Variants in ANOS1 observed in about 807,000 individuals in gnomAD.
ANOS1 encodes anosmin-1.
Under a neutral mutation model 59.0 loss-of-function variants are expected in ANOS1, and 6 were observed. The observed-to-expected ratio is 0.10, with a 90% CI of 0.06 to 0.20. The LOEUF (loss-of-function observed/expected upper bound fraction) is 0.20, where lower values mean the gene tolerates loss of function less well. Among genes scored for constraint, ANOS1 ranks in the 10% least tolerant of loss-of-function variants. The probability of loss-of-function intolerance (pLI) is 1.00; values close to 1 mark genes in which losing one functional copy is unlikely to be tolerated. For synonymous variants in ANOS1, 217 were observed against 223.4 expected (o/e 0.97, Z 0.25); for missense variants, 433 against 542.3 (o/e 0.80, Z 2.00).
Position 8,568,251 on chromosome X carries a change from C to T in ANOS1, c.1188G>A (p.Ser396=), listed in dbSNP as rs1930154515. 3 of 1,210,444 alleles carry T rather than the reference C, an allele frequency of 2.5e-6. No individual in the cohort carries two copies. Among genetic ancestry groups the T allele is most frequent in the East Asian group, 3.0e-5 (1 of 33,801 alleles). ...ACTTACTGTTGTTGGTTGCATGTGT[C>T]GATGTGAAGTGAAGGGACACCTTTG... is the stretch of plus-strand genomic sequence containing the variant. ...KSAKVSLHFT[S]THATNNKEQL... is the part of the protein sequence containing the mutation. The change falls in exon 8 of 14, where the codon TCG becomes TCA. Residue 396 remains serine, a synonymous_variant. Transcript: ENST00000262648.
At chrX:8,707,850 A>T (rs748800066) in intron 1 of ANOS1, among the ~76,000 whole-genome samples, 1 of 112,285 alleles carries the variant, frequency 8.9e-6, no homozygotes, top group African/African-American at 3.2e-5. Flanking sequence ...AAACTAATAG[A>T]ATTGTGTTCT....
intron 2 of ANOS1, among the ~76,000 whole-genome samples, chrX:8,649,169 A>T (rs908287370): frequency 1.9e-4 from 21 of 111,823 alleles, no homozygotes; most frequent in African/African-American, 6.5e-4. Context: ...GCCGGTCCTG[A>T]CCTCCAAGAT....
At chrX:8,535,554 C>CCAATG (rs1251706352) in intron 12 of ANOS1, 37 bp downstream of exon 12, 1 of 1,073,076 alleles carries the variant, frequency 9.3e-7, no homozygotes, top group Non-Finnish European at 1.3e-6. Flanking sequence ...GCAGTAGATA[C>CCAATG]CAATGACACA....
chrX:8,596,400 A>G lies in ANOS1; in HGVS notation c.541+634T>C, dbSNP rs141366622. Among the ~76,000 whole-genome samples, 507 of 111,900 alleles carry G rather than the reference A, an allele frequency of 4.5e-3. 3 individuals are homozygous for G. Among genetic ancestry groups the G allele is most frequent in the African/African-American group, 0.015 (475 of 30,826 alleles). ...AATGGATTCATCTTGGCTTTAAAAGAGCTTAGTCCCATTTACAGAAAATGA... is the reference window on the plus strand; with the variant it reads ...AATGGATTCATCTTGGCTTTAAAAGGGCTTAGTCCCATTTACAGAAAATGA... On this transcript the variant is annotated intron_variant, in intron 4 of 13. Coordinates refer to ENST00000262648, the MANE Select transcript of ANOS1 (RefSeq NM_000216.4).
At chrX:8,717,131 G>A (rs890530958) in intron 1 of ANOS1, among the ~76,000 whole-genome samples, 3 of 111,478 alleles carry the variant, frequency 2.7e-5, no homozygotes, top group East Asian at 2.8e-4. Flanking sequence ...AACTAGAAAC[G>A]CATGCATAAT....
Position 8,732,012 on chromosome X carries a change from C to A in ANOS1, c.25G>T (p.Val9Phe). 9.8e-7 allele frequency: 1 copy of A among 1,025,515 alleles called. No homozygotes were observed. Among genetic ancestry groups the A allele is most frequent in the South Asian group, 3.2e-5 (1 of 31,381 alleles). The allele number at this position is 1,025,515 out of a possible 1,213,427, so 84.5% of individuals were successfully genotyped here. A position where few individuals can be genotyped will look rare whatever the true frequency, so the allele number is the denominator to read the frequency against. Residue 9 changes from valine (V) to phenylalanine (F), a missense_variant, in exon 1 of 14, where the codon GTC (valine) becomes TTC (phenylalanine). Coordinates refer to ENST00000262648, the MANE Select transcript of ANOS1 (RefSeq NM_000216.4). MVPGVPGAVLTLCLWLAAS... is the reference protein window; with the variant it reads MVPGVPGAFLTLCLWLAAS... ...GCCAGCCAGAGGCAGAGGGTCAGGA[C>A]CGCGCCGGGCACCCCGGGCACCATG...
At chrX:8,588,226 CT>C (rs749006581) in intron 4 of ANOS1, among the ~76,000 whole-genome samples, 53 of 110,905 alleles carry the variant, frequency 4.8e-4, no homozygotes, top group African/African-American at 1.6e-3. Context: ...AAATTGGTTC[CT>C]GATTCTGTAA....
intron 2 of ANOS1, among the ~76,000 whole-genome samples, chrX:8,667,387 C>CT (rs1183608844): frequency 2.7e-5 from 3 of 110,944 alleles, no homozygotes; most frequent in Non-Finnish European, 5.7e-5. Context: ...ACTCAAACTC[C>CT]TGGGCTTAAG....
At chrX:8,574,796 G>A (rs767052552) in intron 6 of ANOS1, among the ~76,000 whole-genome samples, 2 of 111,086 alleles carry the variant, frequency 1.8e-5, no homozygotes, top group South Asian at 7.7e-4. Flanking sequence ...ACTCATCTTG[G>A]GATTGTGTGA....
intron 2 of ANOS1, among the ~76,000 whole-genome samples, chrX:8,625,927 A>G (rs1320383808): frequency 9.2e-6 from 1 of 108,978 alleles, no homozygotes; most frequent in Non-Finnish European, 1.9e-5. Flanking sequence ...CCTGGCTAAC[A>G]TGGTGAAAAC....
chrX:8,614,575 C>T (rs752740171), intron 3 of ANOS1, among the ~76,000 whole-genome samples: 2 of 111,444 alleles, frequency 1.8e-5, no homozygotes, highest in East Asian at 2.8e-4. Flanking sequence ...CCTTGTCTTC[C>T]TCTTTTATAA....
At chrX:8,572,728 A>G (rs1206138943) in intron 6 of ANOS1, among the ~76,000 whole-genome samples, 6 of 111,964 alleles carry the variant, frequency 5.4e-5, no homozygotes, top group Non-Finnish European at 1.1e-4. Context: ...TGGAATGTCC[A>G]AGACTTATAC....
chrX:8,570,156 A>C (rs922251876), intron 7 of ANOS1, among the ~76,000 whole-genome samples: 10 of 111,058 alleles, frequency 9.0e-5, no homozygotes, highest in African/African-American at 1.3e-4. Flanking sequence ...AAAAAAAAAA[A>C]AACTTAAAAG....
intron 13 of ANOS1, among the ~76,000 whole-genome samples, chrX:8,533,308 T>A (rs1487131512): frequency 8.9e-6 from 1 of 112,156 alleles, no homozygotes; most frequent in Non-Finnish European, 1.9e-5. Context: ...AAGCTCACAC[T>A]TATCCAATCA....
chrX:8,549,222 A>T (rs995315002), intron 9 of ANOS1, among the ~76,000 whole-genome samples: 6 of 112,618 alleles, frequency 5.3e-5, no homozygotes, highest in African/African-American at 1.9e-4. Context: ...AGTATTTGAG[A>T]AAACCACTGA....
At position 8,715,860 on chromosome X, in the gene ANOS1, C is replaced by T. The variant is rs1184806053; in HGVS notation, c.207+15970G>A. Reference sequence around the variant, plus strand: ...GATCGTCCCTCCTCAGTCTCTCAAGCGGCTGGGGCTACAGGCATGCACCAC... The same window carrying T: ...GATCGTCCCTCCTCAGTCTCTCAAGTGGCTGGGGCTACAGGCATGCACCAC... On this transcript the variant is annotated intron_variant, in intron 1 of 13. Coordinates refer to ENST00000262648, the MANE Select transcript of ANOS1 (RefSeq NM_000216.4). Among the ~76,000 whole-genome samples the T allele has an allele frequency of 6.4e-5, 7 of 109,618 alleles. No homozygotes were observed. The East Asian group carries it at 8.6e-4, about 13-fold the overall frequency.
At position 8,540,226 on chromosome X, in the gene ANOS1, T is replaced by C. The variant is rs1445057623; in HGVS notation, c.1355-468A>G. Among the ~76,000 whole-genome samples, 7 of 111,504 alleles carry C rather than the reference T, an allele frequency of 6.3e-5. No homozygotes were observed. In the East Asian group the frequency reaches 1.1e-3, roughly 18 times the overall value. ...TTTTTTTGATAAAGATGAGATACTA[T>C]TGAATCCACACAAGAACAAAAACAT... On this transcript the variant is annotated intron_variant, in intron 9 of 13. Transcript: ENST00000262648.
At position 8,640,177 on chromosome X, in the gene ANOS1, G is replaced by A. The variant is rs775571807; in HGVS notation, c.256-16507C>T. 5.4e-5 allele frequency among the ~76,000 whole-genome samples: 6 copies of A among 110,825 alleles called. No individual in the cohort carries two copies. The South Asian group carries it at 1.6e-3, about 29-fold the overall frequency. Reference sequence around the variant, plus strand: ...ATGGGGCTTTCACTCCAAATTTCACGGCATGATGAAATGCAGGGGCTGCCT... The same window carrying A: ...ATGGGGCTTTCACTCCAAATTTCACAGCATGATGAAATGCAGGGGCTGCCT... On this transcript the variant is annotated intron_variant, in intron 2 of 13. Transcript: ENST00000262648.
At chrX:8,569,095 AC>A (rs999636385) in intron 7 of ANOS1, among the ~76,000 whole-genome samples, 1 of 111,930 alleles carries the variant, frequency 8.9e-6, no homozygotes, top group African/African-American at 3.3e-5. Context: ...GCAAATTTCC[AC>A]CAAAAGCTAT....
Sources: allele counts gnomAD v4.1 joint callset (sites outside exome capture counted in the v4.1 genomes callset), GRCh38; gene constraint gnomAD v4.1.1; transcripts MANE v1.5; gene names NCBI Gene and HGNC (gene_info 2026-07-23, HGNC 2026-07-21).